ATPAF1: variants seen among roughly 807,000 people sequenced by gnomAD.
ATPAF1 encodes the protein ATP synthase mitochondrial F1 complex assembly factor 1, also known as homolog of yeast ATP11.
Under a neutral mutation model 43.9 loss-of-function variants are expected in ATPAF1, and 26 were observed. That is an observed-to-expected ratio of 0.59 (90% CI 0.43 to 0.82). The LOEUF (loss-of-function observed/expected upper bound fraction) is 0.82, where lower values mean the gene tolerates loss of function less well. Among genes scored for constraint, ATPAF1 ranks in the 40% least tolerant of loss-of-function variants. The pLI is 0.00. For missense variants in ATPAF1, 366 were observed against 435.0 expected (o/e 0.84, Z 1.41); for synonymous variants, 157 against 168.0 (o/e 0.93, Z 0.50).
At chr1:46,664,921 C>A in intron 2 of ATPAF1, 1 of 237,902 alleles carries the variant, frequency 4.2e-6, no homozygotes, top group Non-Finnish European at 8.1e-6. Context: ...TTTAAATCCC[C>A]CACAACGTTC....
At chr1:46,645,480 C>T (rs1569602409) in intron 6 of ATPAF1, among the ~76,000 whole-genome samples, 1 of 151,996 alleles carries the variant, frequency 6.6e-6, no homozygotes, top group Non-Finnish European at 1.5e-5. Flanking sequence ...TCCCACTCAG[C>T]CTCCCAAGTA....
chr1:46,650,821 A>C (rs1218685957), intron 6 of ATPAF1, among the ~76,000 whole-genome samples: 1 of 152,060 alleles, frequency 6.6e-6, no homozygotes, highest in East Asian at 1.9e-4. Flanking sequence ...AAAAAAAAAA[A>C]AAAACCTGAT....
chr1:46,657,871 G>C (rs1676303006), intron 4 of ATPAF1, among the ~76,000 whole-genome samples: 1 of 152,224 alleles, frequency 6.6e-6, no homozygotes. Context: ...TCCAGGTACA[G>C]AGTACTGATG....
chr1:46,646,566 A>T (rs1676048885), intron 6 of ATPAF1, among the ~76,000 whole-genome samples: 1 of 152,344 alleles, frequency 6.6e-6, no homozygotes, highest in East Asian at 1.9e-4. Flanking sequence ...AGCCCAATAC[A>T]CATTAGTCAC....
exon 7 of ATPAF1, chr1:46,645,249 C>T (rs1323689424): frequency 6.2e-7 from 1 of 1,612,340 alleles, no homozygotes; most frequent in East Asian, 2.2e-5. Context: ...TGGCAGAGCA[C>T]ATAGAAACTG....
chr1:46,655,078 G>C (rs1195303871), intron 4 of ATPAF1, among the ~76,000 whole-genome samples: 3 of 152,058 alleles, frequency 2.0e-5, no homozygotes, highest in Admixed American at 2.0e-4. Flanking sequence ...ATGAGCAAAA[G>C]GGGGAAAAGC....
chr1:46,636,447 T>A (rs1396766555), intron 8 of ATPAF1, among the ~76,000 whole-genome samples: 1 of 152,196 alleles, frequency 6.6e-6, no homozygotes, highest in African/African-American at 2.4e-5. Context: ...TAACCAGATA[T>A]ACACTTGAAT....
downstream of ATPAF1, chr1:46,633,737 G>A (rs972198562): frequency 5.3e-5 from 24 of 456,086 alleles, no homozygotes; most frequent in Admixed American, 1.4e-4. Flanking sequence ...TGATTAAAAC[G>A]AATGGCCACT....
intron 2 of ATPAF1, among the ~76,000 whole-genome samples, chr1:46,662,047 A>C (rs1233702548): frequency 6.6e-6 from 1 of 152,054 alleles, no homozygotes; most frequent in Non-Finnish European, 1.5e-5. Flanking sequence ...GGCGCCTGCC[A>C]CAACGCCCGG....
chr1:46,641,226 A>G (rs1163675394), intron 8 of ATPAF1, among the ~76,000 whole-genome samples: 1 of 151,774 alleles, frequency 6.6e-6, no homozygotes, highest in Non-Finnish European at 1.5e-5. Flanking sequence ...TACAAGGTGC[A>G]TGCCACCACG....
At chr1:46,652,744 T>C in intron 5 of ATPAF1, 116 bp from the exon 6 acceptor site, 1 of 870,054 alleles carries the variant, frequency 1.1e-6, no homozygotes, top group Non-Finnish European at 1.8e-6. Flanking sequence ...AAACAGTCAT[T>C]TAAGTTTCAT....
chr1:46,635,759 G>T, exon 9 of ATPAF1: 1 of 1,603,252 alleles, frequency 6.2e-7, no homozygotes, highest in South Asian at 1.1e-5. Context: ...CTAGGTGAAG[G>T]GCCAACCTGT....
intron 6 of ATPAF1, 47 bp downstream of exon 6, chr1:46,652,534 T>C: frequency 6.4e-7 from 1 of 1,571,812 alleles, no homozygotes; most frequent in Non-Finnish European, 8.7e-7. Flanking sequence ...AAAATACTTG[T>C]TTGGCAACAT....
chr1:46,646,113 C>T (rs1330207029), intron 6 of ATPAF1, among the ~76,000 whole-genome samples: 7 of 152,200 alleles, frequency 4.6e-5, no homozygotes, highest in Non-Finnish European at 1.0e-4. Flanking sequence ...AGTTTGAGAC[C>T]AGCCTGGGCA....
intron 1 of ATPAF1, 104 bp downstream of exon 1, chr1:46,667,953 G>C: frequency 1.1e-6 from 1 of 909,320 alleles, no homozygotes; most frequent in African/African-American, 1.7e-5. Flanking sequence ...CTGAAGAGCT[G>C]GGACAGTACT....
chr1:46,652,058 C>A (rs1306293923), intron 6 of ATPAF1, among the ~76,000 whole-genome samples: 1 of 151,910 alleles, frequency 6.6e-6, no homozygotes, highest in Non-Finnish European at 1.5e-5. Flanking sequence ...TGAATGTTAC[C>A]AATACAATGA....
exon 8 of ATPAF1, chr1:46,643,240 T>C: frequency 6.2e-7 from 1 of 1,613,990 alleles, no homozygotes; most frequent in South Asian, 1.1e-5. Flanking sequence ...TATGCCCTTT[T>C]CTTCCTTAAG....
intron 6 of ATPAF1, among the ~76,000 whole-genome samples, chr1:46,648,115 T>C (rs2148818739): frequency 6.6e-6 from 1 of 152,226 alleles, no homozygotes; most frequent in East Asian, 1.9e-4. Flanking sequence ...CTAATTTATT[T>C]ATTATTATTT....
At chr1:46,643,064 A>C (rs969288381) in intron 8 of ATPAF1, 130 bp downstream of exon 8, 1 of 723,314 alleles carries the variant, frequency 1.4e-6, no homozygotes, top group African/African-American at 1.8e-5. Flanking sequence ...CTTCACTGTC[A>C]ACTTTAAAAT....
Sources: gnomAD v4.1 joint callset for allele counts (sites outside exome capture counted in the v4.1 genomes callset) on GRCh38, gnomAD v4.1.1 for gene constraint, MANE v1.5 for transcripts, NCBI Gene and HGNC (gene_info 2026-07-23, HGNC 2026-07-21) for gene names.